Variants in MTREX observed in about 807,000 individuals in gnomAD.
The protein encoded by MTREX is exosome RNA helicase MTR4.
Under a neutral mutation model 135.4 loss-of-function variants are expected in MTREX, and 76 were observed. The observed-to-expected ratio is 0.56, with a 90% CI of 0.47 to 0.68. The LOEUF (loss-of-function observed/expected upper bound fraction) is 0.68. Among genes scored for constraint, MTREX ranks in the 30% least tolerant of loss-of-function variants. The probability of loss-of-function intolerance (pLI) is 0.00; values close to 1 mark genes in which losing one functional copy is unlikely to be tolerated. For missense variants in MTREX, 920 were observed against 1,262.1 expected (o/e 0.73, Z 4.11); for synonymous variants, 404 against 401.6 (o/e 1.01, Z -0.07).
chr5:55,332,067 G>A (rs1029488268), intron 5 of MTREX, among the ~76,000 whole-genome samples: 3 of 152,140 alleles, frequency 2.0e-5, no homozygotes, highest in South Asian at 2.1e-4. Context: ...CTAAGATTGT[G>A]TAGTCTTGCT....
chr5:55,409,918 A>C (rs1750860429), intron 22 of MTREX, among the ~76,000 whole-genome samples: 1 of 152,180 alleles, frequency 6.6e-6, no homozygotes, highest in Admixed American at 6.5e-5. Context: ...ATATGAATTA[A>C]AATGTGAGTC....
At chr5:55,400,143 T>G in intron 20 of MTREX, 90 bp from the exon 21 acceptor site, 1 of 921,694 alleles carries the variant, frequency 1.1e-6, no homozygotes, top group Non-Finnish European at 1.6e-6. Context: ...TTTATGTCCA[T>G]GTGCATAGAA....
chr5:55,320,618 A>C (rs1749273529), intron 1 of MTREX, among the ~76,000 whole-genome samples: 2 of 150,966 alleles, frequency 1.3e-5, no homozygotes, highest in African/African-American at 4.9e-5. Flanking sequence ...CTGTGCAAAA[A>C]AATAGAATAT....
intron 18 of MTREX, among the ~76,000 whole-genome samples, chr5:55,384,526 T>C (rs1472294468): frequency 6.6e-6 from 1 of 152,238 alleles, no homozygotes; most frequent in Non-Finnish European, 1.5e-5. Flanking sequence ...GCAAATTCTG[T>C]TGCCTACATT....
At chr5:55,357,860 A>C (rs1323929850) in intron 14 of MTREX, among the ~76,000 whole-genome samples, 2 of 152,206 alleles carry the variant, frequency 1.3e-5, no homozygotes, top group African/African-American at 4.8e-5. Context: ...TTCTTCTATC[A>C]GGTTGTTCCT....
chr5:55,345,415 A>G (rs1180898190), intron 10 of MTREX, among the ~76,000 whole-genome samples: 1 of 152,178 alleles, frequency 6.6e-6, no homozygotes, highest in East Asian at 1.9e-4. Flanking sequence ...AGTCTTTAGT[A>G]TATTTACAGA....
chr5:55,325,665 A>G (rs150316410), intron 3 of MTREX, among the ~76,000 whole-genome samples: 1 of 152,110 alleles, frequency 6.6e-6, no homozygotes, highest in Non-Finnish European at 1.5e-5. Context: ...CAGGTTTGTT[A>G]CATGGGTATA....
Position 55,317,603 on chromosome 5 carries a change from T to C in MTREX, c.135-4724T>C, listed in dbSNP as rs149779896. On this transcript the variant is annotated intron_variant, in intron 1 of 26. Transcript: ENST00000230640. ...TGCAGAAAATTGAAGGTGGACCCCTTCTTTACACCATGTAGAAAAATCAAC... is the reference window on the plus strand; with the variant it reads ...TGCAGAAAATTGAAGGTGGACCCCTCCTTTACACCATGTAGAAAAATCAAC... Among the ~76,000 whole-genome samples the C allele has an allele frequency of 2.9e-3, 444 of 152,320 alleles. 2 individuals carry two copies. The highest frequency in any genetic ancestry group is 5.3e-3 in the Non-Finnish European group (358 of 68,024).
chr5:55,322,552 G>C, intron 2 of MTREX, 88 bp downstream of exon 2: 1 of 899,906 alleles, frequency 1.1e-6, no homozygotes, highest in Non-Finnish European at 1.6e-6. Flanking sequence ...TTGCTACTTA[G>C]ATATATGCCC....
chr5:55,337,506 A>G (rs951936782), intron 5 of MTREX, among the ~76,000 whole-genome samples: 15 of 152,098 alleles, frequency 9.9e-5, no homozygotes, highest in African/African-American at 3.4e-4. Context: ...ATATAAAACT[A>G]TAAAATTTCA....
chr5:55,379,162 A>G lies in MTREX; in HGVS notation c.2019A>G (p.Val673=). ...KNEGDDFGWG[V]VVNFSKKSNV... The stretch of plus-strand genomic sequence containing the variant: ...AAGGAGATGACTTTGGCTGGGGAGT[A>G]GTGGTGAATTTCTCAAAAAAGTCAA... Residue 673 remains valine, a synonymous_variant, in exon 18 of 27, where the codon GTA becomes GTG. Transcript: ENST00000230640. 1 of 1,609,036 alleles carries G rather than the reference A, an allele frequency of 6.2e-7. No individual in the cohort carries two copies. Among genetic ancestry groups the G allele is most frequent in the Non-Finnish European group, 8.5e-7 (1 of 1,176,840 alleles).
At chr5:55,363,941 G>T (rs1371487039) in intron 15 of MTREX, among the ~76,000 whole-genome samples, 1 of 152,162 alleles carries the variant, frequency 6.6e-6, no homozygotes, top group Non-Finnish European at 1.5e-5. Flanking sequence ...CTACATTCAT[G>T]CATAGAAAGC....
chr5:55,413,534 CA>C (rs1750918741), intron 23 of MTREX, among the ~76,000 whole-genome samples: 1 of 152,044 alleles, frequency 6.6e-6, no homozygotes, highest in African/African-American at 2.4e-5. Flanking sequence ...GGCAGAAAAC[CA>C]GTACACAGAA....
chr5:55,411,555 A>C (rs230772), intron 23 of MTREX, among the ~76,000 whole-genome samples: 130,704 of 152,048 alleles, frequency 0.86, 56,571 homozygotes, highest in South Asian at 0.92. Context: ...AACTGTTTCC[A>C]TATTTATTAA....
chr5:55,382,433 T>G (rs1346084143), intron 18 of MTREX, among the ~76,000 whole-genome samples: 2 of 152,172 alleles, frequency 1.3e-5, no homozygotes, highest in African/African-American at 2.4e-5. Flanking sequence ...AGGTTTACAC[T>G]GACTGAATTC....
chr5:55,409,708 C>T (rs1263831219), intron 22 of MTREX, among the ~76,000 whole-genome samples: 1 of 152,134 alleles, frequency 6.6e-6, no homozygotes, highest in African/African-American at 2.4e-5. Context: ...TGGACTTGTA[C>T]ATTTTGACAG....
intron 23 of MTREX, among the ~76,000 whole-genome samples, chr5:55,413,308 G>T (rs1348789519): frequency 6.7e-6 from 1 of 148,660 alleles, no homozygotes; most frequent in East Asian, 2.0e-4. Flanking sequence ...TTGCACTCCA[G>T]CTGGGCAACA....
chr5:55,328,086 G>T (rs1749412626), intron 4 of MTREX, among the ~76,000 whole-genome samples: 1 of 152,092 alleles, frequency 6.6e-6, no homozygotes, highest in Non-Finnish European at 1.5e-5. Flanking sequence ...TAGTTTTAGG[G>T]TTTTAACAGG....
chr5:55,414,326 G>T, intron 24 of MTREX, 88 bp downstream of exon 24: 1 of 1,058,208 alleles, frequency 9.4e-7, no homozygotes, highest in Non-Finnish European at 1.3e-6. Flanking sequence ...AATCATAGTA[G>T]TTTATCATTT....
Sources: allele counts gnomAD v4.1 joint callset (sites outside exome capture counted in the v4.1 genomes callset), GRCh38; gene constraint gnomAD v4.1.1; transcripts MANE v1.5; gene names NCBI Gene and HGNC (gene_info 2026-07-23, HGNC 2026-07-21).